RAB2A: variants seen among roughly 807,000 people sequenced by gnomAD.
RAB2A encodes the protein ras-related protein Rab-2A.
In RAB2A, 7 loss-of-function variants were observed where a neutral mutation model predicts 32.5. That is an observed-to-expected ratio of 0.22 (90% CI 0.12 to 0.40). The LOEUF (loss-of-function observed/expected upper bound fraction) is 0.40. Among genes scored for constraint, RAB2A ranks in the 10% least tolerant of loss-of-function variants. The probability of loss-of-function intolerance (pLI) is 1.00; values close to 1 mark genes in which losing one functional copy is unlikely to be tolerated. For missense variants in RAB2A, 108 were observed against 260.7 expected, an observed-to-expected ratio of 0.41 and a Z score of 4.03; for synonymous variants, 79 against 85.2, an observed-to-expected ratio of 0.93 and a Z score of 0.40.
intron 6 of RAB2A, among the ~76,000 whole-genome samples, chr8:60,616,255 A>T (rs1224685200): frequency 2.6e-5 from 4 of 152,198 alleles, no homozygotes; most frequent in Admixed American, 2.6e-4. Flanking sequence ...TTTTAAAGTG[A>T]TTTATTACCA....
intron 2 of RAB2A, among the ~76,000 whole-genome samples, chr8:60,559,491 T>A (rs1315940927): frequency 2.0e-5 from 3 of 152,208 alleles, no homozygotes; most frequent in African/African-American, 4.8e-5. Context: ...GTAAATGAAA[T>A]AGTTACTGGT....
chr8:60,615,677 A>G (rs1331672520), intron 6 of RAB2A, among the ~76,000 whole-genome samples: 1 of 152,154 alleles, frequency 6.6e-6, no homozygotes, highest in East Asian at 1.9e-4. Flanking sequence ...TTGACCTCTC[A>G]TAAGCCTTAC....
chr8:60,597,937 C>T lies in RAB2A; in HGVS notation c.474+5968C>T, dbSNP rs550888021. Among the ~76,000 whole-genome samples the T allele has an allele frequency of 1.5e-4, 6 of 38,904 alleles. No homozygotes were observed. The African/African-American group carries it at 3.7e-3, about 24-fold the overall frequency. The allele number at this position is 38,904 out of a possible 152,430, so 25.5% of individuals were successfully genotyped here. The stretch of plus-strand genomic sequence containing the variant: ...CACATAAATGTGACAACTTAGATGA[C>T]TAATAGACCAGTTTATCCAAAAACA... On this transcript the variant is annotated intron_variant, in intron 6 of 7. Transcript: ENST00000262646.
At position 60,623,030 on chromosome 8, in the gene RAB2A, T is replaced by C. The variant is rs1170430824; in HGVS notation, c.*2261T>C. 2 of 152,214 alleles carry C rather than the reference T, an allele frequency of 1.3e-5. No homozygotes were observed. The highest frequency in any genetic ancestry group is 4.8e-5 in the African/African-American group (2 of 41,458). The allele number at this position is 152,214 out of a possible 1,614,324, so 9.4% of individuals were successfully genotyped here. On this transcript the variant is annotated 3_prime_UTR_variant, in exon 8 of 8. Transcript: ENST00000262646. ...TTAGTTGATCTTCGATCAGTTTTTATAGCATCTATGGACATAGAAAATCAG... is the reference window on the plus strand; with the variant it reads ...TTAGTTGATCTTCGATCAGTTTTTACAGCATCTATGGACATAGAAAATCAG...
intron 5 of RAB2A, 140 bp from the exon 6 acceptor site, chr8:60,591,718 C>T (rs1244536927): frequency 9.0e-6 from 5 of 555,178 alleles, no homozygotes; most frequent in Admixed American, 3.0e-5. Flanking sequence ...CTCATAATAC[C>T]CTGAATAATA....
intron 1 of RAB2A, among the ~76,000 whole-genome samples, chr8:60,529,647 A>G (rs1256921112): frequency 6.6e-6 from 1 of 152,094 alleles, no homozygotes; most frequent in African/African-American, 2.4e-5. Flanking sequence ...TGACTCTGAA[A>G]CTTTTTTGCT....
intron 6 of RAB2A, among the ~76,000 whole-genome samples, chr8:60,593,811 TAA>T (rs1371684085): frequency 6.6e-6 from 1 of 151,950 alleles, no homozygotes; most frequent in Non-Finnish European, 1.5e-5. Context: ...CAGCAATCAT[TAA>T]AATGCCTCAA....
chr8:60,617,507 A>G (rs1299410130), intron 6 of RAB2A, among the ~76,000 whole-genome samples: 4 of 152,092 alleles, frequency 2.6e-5, no homozygotes, highest in East Asian at 1.9e-4. Flanking sequence ...TCATATTCCA[A>G]TATTCTTTTT....
chr8:60,618,896 G>A, intron 7 of RAB2A: 1 of 156,954 alleles, frequency 6.4e-6, no homozygotes. Context: ...AAAGTAAGTG[G>A]CCCTATCCAT....
At chr8:60,573,144 T>C (rs1389281475) in intron 3 of RAB2A, among the ~76,000 whole-genome samples, 2 of 152,198 alleles carry the variant, frequency 1.3e-5, no homozygotes, top group Non-Finnish European at 1.5e-5. Flanking sequence ...GATTCTGGGA[T>C]CACACTTTGA....
chr8:60,555,648 G>A (rs547086295), intron 1 of RAB2A, among the ~76,000 whole-genome samples: 2 of 152,096 alleles, frequency 1.3e-5, no homozygotes, highest in Admixed American at 6.6e-5. Flanking sequence ...AGCCAGTACC[G>A]CAGTGAGATA....
Position 60,523,459 on chromosome 8 carries a change from G to A in RAB2A, c.46+6206G>A, listed in dbSNP as rs183384405. Among the ~76,000 whole-genome samples, 262 of 151,962 alleles carry A rather than the reference G, an allele frequency of 1.7e-3. 1 individual carries two copies. The highest frequency in any genetic ancestry group is 5.9e-3 in the African/African-American group (245 of 41,476). On this transcript the variant is annotated intron_variant, in intron 1 of 7. Transcript: ENST00000262646. Reference sequence around the variant, plus strand: ...GGCATGAGCCACCACGCCCGGCCAAGGACTCCACATTCTTACATATGTCTC... The same window carrying A: ...GGCATGAGCCACCACGCCCGGCCAAAGACTCCACATTCTTACATATGTCTC...
At chr8:60,523,245 C>T (rs1226795233) in intron 1 of RAB2A, among the ~76,000 whole-genome samples, 3 of 151,616 alleles carry the variant, frequency 2.0e-5, no homozygotes, top group African/African-American at 4.9e-5. Flanking sequence ...GCAACTTCTG[C>T]CTCCTGGATT....
chr8:60,519,330 G>T (rs1279360157), intron 1 of RAB2A, among the ~76,000 whole-genome samples: 1 of 150,496 alleles, frequency 6.6e-6, no homozygotes, highest in African/African-American at 2.5e-5. Context: ...CTTCTTTCCC[G>T]CTATTCCCCA....
intron 1 of RAB2A, among the ~76,000 whole-genome samples, chr8:60,538,096 A>G (rs17821962): frequency 0.034 from 5,166 of 152,304 alleles, 120 homozygotes; most frequent in Non-Finnish European, 0.052. Context: ...TAGGGATGCC[A>G]TTTTTGCCGC....
intron 3 of RAB2A, among the ~76,000 whole-genome samples, chr8:60,576,607 AT>A (rs555004721): frequency 1.3e-3 from 191 of 152,216 alleles, no homozygotes; most frequent in Non-Finnish European, 2.2e-3. Context: ...AATCACAGGC[AT>A]TTTTTTTCTC....
chr8:60,603,458 C>A (rs941081184), intron 6 of RAB2A, among the ~76,000 whole-genome samples: 12 of 152,276 alleles, frequency 7.9e-5, no homozygotes, highest in Middle Eastern at 3.4e-3. Context: ...TACTATTAGT[C>A]TATAGATTTC....
chr8:60,569,539 C>A (rs1214367932), intron 2 of RAB2A, among the ~76,000 whole-genome samples: 3 of 152,108 alleles, frequency 2.0e-5, no homozygotes, highest in African/African-American at 7.2e-5. Flanking sequence ...GAGACAAGGT[C>A]TCACTCTGTC....
At chr8:60,593,365 T>A (rs562666083) in intron 6 of RAB2A, among the ~76,000 whole-genome samples, 1 of 152,222 alleles carries the variant, frequency 6.6e-6, no homozygotes, top group Non-Finnish European at 1.5e-5. Flanking sequence ...TACCCGAGAC[T>A]GGGTGCTAGA....
Sources: allele counts gnomAD v4.1 joint callset (sites outside exome capture counted in the v4.1 genomes callset), GRCh38; gene constraint gnomAD v4.1.1; transcripts MANE v1.5; gene names NCBI Gene and HGNC (gene_info 2026-07-23, HGNC 2026-07-21).